The following NUDCD1 variants were observed in gnomAD, a reference collection of about 807,000 sequenced individuals.
NUDCD1 encodes NudC domain containing 1.
NUDCD1 carries 60 observed loss-of-function variants against 67.8 expected under a neutral mutation model. That is an observed-to-expected ratio of 0.88 (90% CI 0.72 to 1.10). The LOEUF is 1.10. NUDCD1 is among the 50% of genes least tolerant of loss of function. The pLI, the probability that NUDCD1 is intolerant of heterozygous loss-of-function variation, is 0.00. For missense variants in NUDCD1, 643 were observed against 695.0 expected (o/e 0.93, Z 0.84); for synonymous variants, 244 against 230.8 (o/e 1.06, Z -0.52).
intron 8 of NUDCD1, among the ~76,000 whole-genome samples, chr8:109,249,961 C>T (rs1190235375): frequency 2.0e-5 from 3 of 151,660 alleles, no homozygotes; most frequent in Non-Finnish European, 4.4e-5. Flanking sequence ...TCCTCCAACC[C>T]CAGCCTCCTG....
intron 5 of NUDCD1, 66 bp downstream of exon 5, chr8:109,289,685 G>A: frequency 1.2e-6 from 1 of 832,828 alleles, no homozygotes; most frequent in Non-Finnish European, 1.9e-6. Flanking sequence ...ACCTAACTGG[G>A]AAAATAAAAG....
At chr8:109,289,695 GACAT>G (rs1814658207) in intron 5 of NUDCD1, 52 bp downstream of exon 5, 2 of 891,764 alleles carry the variant, frequency 2.2e-6, no homozygotes, top group South Asian at 1.7e-5. Context: ...GAAAATAAAA[GACAT>G]AAATATATGT....
At chr8:109,303,047 G>GT (rs1358246323) in intron 2 of NUDCD1, among the ~76,000 whole-genome samples, 1 of 152,190 alleles carries the variant, frequency 6.6e-6, no homozygotes, top group Non-Finnish European at 1.5e-5. Flanking sequence ...GGGGCCAGGT[G>GT]TTCCTCCAGG....
intron 2 of NUDCD1, among the ~76,000 whole-genome samples, chr8:109,297,547 T>C (rs1472928615): frequency 2.0e-5 from 3 of 152,168 alleles, no homozygotes; most frequent in Non-Finnish European, 2.9e-5. Flanking sequence ...CCTTCTGTCA[T>C]GTGAGGACGT....
In NUDCD1 at chr8:109,296,562, G is replaced by T. The variant is rs991076005; in HGVS notation, c.281C>A (p.Ala94Asp). 5.0e-6 allele frequency: 8 copies of T among 1,601,914 alleles called. No homozygotes were observed. Among genetic ancestry groups the T allele is most frequent in the Non-Finnish European group, 6.0e-6 (7 of 1,171,392 alleles). The change falls in exon 3 of 10, where the codon GCC becomes GAC. Residue 94 changes from alanine to aspartate, a missense_variant. Coordinates refer to ENST00000239690, the MANE Select transcript of NUDCD1 (RefSeq NM_032869.4). ...AAACACCTCTCGTGGTTTTCCTAAGGCAGTGTCCTAAAAAGACCAAACATT... is the reference window on the plus strand; with the variant it reads ...AAACACCTCTCGTGGTTTTCCTAAGTCAGTGTCCTAAAAAGACCAAACATT... The part of the protein sequence containing the change: ...IMNLTVMLDT[A>D]LGKPREVFRL...
At chr8:109,333,518 G>A (rs1248091046) in intron 1 of NUDCD1, among the ~76,000 whole-genome samples, 4 of 152,276 alleles carry the variant, frequency 2.6e-5, no homozygotes, top group East Asian at 1.9e-4. Flanking sequence ...GTTTCTCAAC[G>A]CACACGTTCA....
intron 2 of NUDCD1, among the ~76,000 whole-genome samples, chr8:109,310,226 A>C (rs1815210679): frequency 6.6e-6 from 1 of 152,364 alleles, no homozygotes; most frequent in East Asian, 1.9e-4. Flanking sequence ...CTATACTATA[A>C]GACCATAGTC....
At chr8:109,270,691 G>A (rs1398375707) in intron 8 of NUDCD1, among the ~76,000 whole-genome samples, 3 of 151,544 alleles carry the variant, frequency 2.0e-5, no homozygotes, top group African/African-American at 7.3e-5. Flanking sequence ...TCAATAACAT[G>A]AGGAAACACT....
intron 8 of NUDCD1, among the ~76,000 whole-genome samples, chr8:109,259,352 G>T (rs1813813516): frequency 6.6e-6 from 1 of 152,166 alleles, no homozygotes; most frequent in Admixed American, 6.5e-5. Flanking sequence ...ACTATCCTTT[G>T]TGTCTGACAC....
chr8:109,316,512 TGAAAACAAAA>T (rs1370181181), intron 2 of NUDCD1: 1 of 152,078 alleles, frequency 6.6e-6, no homozygotes, highest in Non-Finnish European at 1.5e-5. Flanking sequence ...GTGCCTTTGA[TGAAAACAAAA>T]GAAAACAAAA....
intron 1 of NUDCD1, among the ~76,000 whole-genome samples, chr8:109,324,271 A>G (rs1053416059): frequency 6.6e-6 from 1 of 152,028 alleles, no homozygotes; most frequent in African/African-American, 2.4e-5. Flanking sequence ...AGAATATATA[A>G]ATAAATAGCC....
At chr8:109,275,216 T>C (rs1236960171) in intron 7 of NUDCD1, 136 bp downstream of exon 7, 4 of 699,362 alleles carry the variant, frequency 5.7e-6, no homozygotes, top group Non-Finnish European at 7.1e-6. Context: ...TATTCAAACA[T>C]CACTCAGATC....
At chr8:109,268,066 G>T (rs1318694697) in intron 8 of NUDCD1, among the ~76,000 whole-genome samples, 3 of 152,066 alleles carry the variant, frequency 2.0e-5, no homozygotes, top group Non-Finnish European at 4.4e-5. Flanking sequence ...GTAAAATGAA[G>T]AAGATGAAAT....
In NUDCD1 at chr8:109,249,082, A is replaced by G. The variant is rs543881496; in HGVS notation, c.1300-3601T>C. Among the ~76,000 whole-genome samples, 5 of 152,300 alleles carry G rather than the reference A, an allele frequency of 3.3e-5. No individual in the cohort carries two copies. In the East Asian group the frequency reaches 7.7e-4, roughly 23 times the overall value. On this transcript the variant is annotated intron_variant, in intron 8 of 9. Transcript: ENST00000239690. ...TATATGCTCTTTGAGGGTGATAGCT[A>G]TGACTTTGGGTAGGATATTTAAACC... is the stretch of plus-strand genomic sequence containing the variant.
chr8:109,240,970 T>C lies in NUDCD1; in HGVS notation c.*2039A>G, dbSNP rs1240903163. 1.3e-5 allele frequency: 2 copies of C among 152,248 alleles called. No individual in the cohort carries two copies. Among genetic ancestry groups the C allele is most frequent in the East Asian group, 3.9e-4 (2 of 5,192 alleles). The allele number at this position is 152,248 out of a possible 1,614,324, so 9.4% of individuals were successfully genotyped here. A position where few individuals can be genotyped will look rare whatever the true frequency, so the allele number is the denominator to read the frequency against. Reference sequence around the variant, plus strand: ...TTACTATCATAAATATTTTATAAATTCCTATTTAAAACATGATAAAAATCA... The same window carrying C: ...TTACTATCATAAATATTTTATAAATCCCTATTTAAAACATGATAAAAATCA... On this transcript the variant is annotated 3_prime_UTR_variant, in exon 10 of 10. Transcript: ENST00000239690.
At chr8:109,281,887 G>A (rs1331233004) in intron 5 of NUDCD1, among the ~76,000 whole-genome samples, 1 of 152,140 alleles carries the variant, frequency 6.6e-6, no homozygotes, top group Admixed American at 6.5e-5. Context: ...TCAACAGCCT[G>A]AGTTAACCTA....
intron 2 of NUDCD1, among the ~76,000 whole-genome samples, chr8:109,308,272 C>T (rs941791620): frequency 2.0e-5 from 3 of 152,132 alleles, no homozygotes; most frequent in Non-Finnish European, 4.4e-5. Flanking sequence ...AAAAATTCTT[C>T]GAACTGCAGA....
chr8:109,279,365 C>T (rs1483873059), intron 6 of NUDCD1, among the ~76,000 whole-genome samples: 1 of 152,062 alleles, frequency 6.6e-6, no homozygotes, highest in Non-Finnish European at 1.5e-5. Flanking sequence ...TGATAATTAC[C>T]TTTTGATGTG....
At chr8:109,251,003 T>C (rs1813609885) in intron 8 of NUDCD1, among the ~76,000 whole-genome samples, 1 of 152,186 alleles carries the variant, frequency 6.6e-6, no homozygotes, top group South Asian at 2.1e-4. Context: ...AAAGTGTTCC[T>C]TTCTCTTCAA....
Sources: allele counts gnomAD v4.1 joint callset (sites outside exome capture counted in the v4.1 genomes callset), GRCh38; gene constraint gnomAD v4.1.1; transcripts MANE v1.5; gene names NCBI Gene and HGNC (gene_info 2026-07-23, HGNC 2026-07-21).